The following PRKG1 variants were observed in gnomAD, a reference collection of about 807,000 sequenced individuals.
PRKG1 encodes the protein protein kinase cGMP-dependent 1, also known as cGMP-dependent protein kinase 1.
PRKG1 carries 35 observed loss-of-function variants against 88.1 expected under a neutral mutation model. The observed-to-expected ratio is 0.40, with a 90% CI of 0.30 to 0.53. The LOEUF is 0.53. PRKG1 is among the 20% of genes least tolerant of loss of function. PRKG1 has a pLI of 0.59. For synonymous variants in PRKG1, 303 were observed against 292.5 expected, an observed-to-expected ratio of 1.04 and a Z score of -0.37; for missense variants, 540 against 839.8, an observed-to-expected ratio of 0.64 and a Z score of 4.41.
chr10:51,897,162 A>G (rs987028385), intron 4 of PRKG1, among the ~76,000 whole-genome samples: 1 of 152,238 alleles, frequency 6.6e-6, no homozygotes, highest in African/African-American at 2.4e-5. Flanking sequence ...AATGTCTAAT[A>G]AGCTTGCTAA....
At chr10:52,268,116 A>C (rs1841623817) in intron 10 of PRKG1, among the ~76,000 whole-genome samples, 1 of 152,046 alleles carries the variant, frequency 6.6e-6, no homozygotes. Context: ...TTGGAAGTGG[A>C]GATTCTAAGG....
intron 2 of PRKG1, among the ~76,000 whole-genome samples, chr10:51,237,478 G>C (rs184076546): frequency 1.5e-4 from 23 of 152,202 alleles, no homozygotes; most frequent in Admixed American, 1.4e-3. Context: ...CCTTAATGTT[G>C]GAACAGATAG....
chr10:52,227,370 T>TA (rs1840413041), intron 9 of PRKG1, among the ~76,000 whole-genome samples: 1 of 152,116 alleles, frequency 6.6e-6, no homozygotes, highest in South Asian at 2.1e-4. Flanking sequence ...CAACCACAAA[T>TA]AAAAAATATT....
intron 2 of PRKG1, among the ~76,000 whole-genome samples, chr10:51,192,346 T>C (rs1245668098): frequency 6.6e-6 from 1 of 151,904 alleles, no homozygotes; most frequent in African/African-American, 2.4e-5. Flanking sequence ...TCATTTTTCT[T>C]ATCTGTAAAA....
At chr10:51,068,889 G>A (rs896804614) in intron 1 of PRKG1, among the ~76,000 whole-genome samples, 10 of 151,840 alleles carry the variant, frequency 6.6e-5, no homozygotes, top group East Asian at 1.9e-4. Flanking sequence ...TGTGAATAAA[G>A]CATTTTAAAT....
intron 2 of PRKG1, among the ~76,000 whole-genome samples, chr10:51,436,395 G>GT (rs1164998711): frequency 5.9e-5 from 9 of 151,768 alleles, no homozygotes; most frequent in Admixed American, 6.6e-5. Flanking sequence ...TGATGCTGCA[G>GT]TTTTTTCTCG....
At chr10:51,714,372 G>A (rs749012751) in intron 3 of PRKG1, among the ~76,000 whole-genome samples, 3 of 151,870 alleles carry the variant, frequency 2.0e-5, no homozygotes, top group African/African-American at 4.8e-5. Context: ...CAAACTCCAT[G>A]TAAACACCAT....
intron 3 of PRKG1, among the ~76,000 whole-genome samples, chr10:51,504,878 C>T (rs1331436266): frequency 7.2e-5 from 11 of 152,092 alleles, no homozygotes; most frequent in Admixed American, 4.6e-4. Context: ...TGGGCTGAGA[C>T]GATGGGGTTT....
At chr10:51,777,531 C>T (rs774327879) in intron 3 of PRKG1, among the ~76,000 whole-genome samples, 38 of 152,188 alleles carry the variant, frequency 2.5e-4, no homozygotes, top group Middle Eastern at 3.4e-3. Context: ...ATACTCCCTT[C>T]CCCCACACAT....
chr10:51,415,323 A>G (rs893212555), intron 2 of PRKG1, among the ~76,000 whole-genome samples: 2 of 152,230 alleles, frequency 1.3e-5, no homozygotes, highest in Non-Finnish European at 2.9e-5. Context: ...CATAAGTAAA[A>G]GGAGGCTTAT....
intron 9 of PRKG1, among the ~76,000 whole-genome samples, chr10:52,176,299 C>T (rs892202394): frequency 2.0e-5 from 3 of 149,162 alleles, no homozygotes; most frequent in African/African-American, 4.9e-5. Flanking sequence ...GTGGTCTTGG[C>T]ACCTTTGTGA....
At chr10:51,811,367 A>G (rs1296742868) in intron 4 of PRKG1, among the ~76,000 whole-genome samples, 2 of 152,112 alleles carry the variant, frequency 1.3e-5, no homozygotes, top group Non-Finnish European at 2.9e-5. Context: ...TCCTTCTTTG[A>G]TCCAATTTAA....
chr10:51,283,726 T>A (rs74717202), intron 2 of PRKG1, among the ~76,000 whole-genome samples: 149 of 152,052 alleles, frequency 9.8e-4, no homozygotes, highest in African/African-American at 3.5e-3. Flanking sequence ...AAAGAAAAAA[T>A]TATGCAAAGA....
intron 2 of PRKG1, among the ~76,000 whole-genome samples, chr10:51,213,262 A>G (rs560142714): frequency 4.3e-4 from 65 of 152,224 alleles, no homozygotes; most frequent in Admixed American, 1.4e-3. Context: ...TGGGAATTGA[A>G]CAATGAGAAC....
intron 5 of PRKG1, among the ~76,000 whole-genome samples, chr10:51,931,212 A>G (rs10508953): frequency 0.19 from 29,379 of 152,164 alleles, 3,234 homozygotes; most frequent in Non-Finnish European, 0.24. Flanking sequence ...GATTGAACCT[A>G]TTATTAGACC....
intron 7 of PRKG1, chr10:52,127,993 A>G: frequency 1.0e-6 from 1 of 961,206 alleles, no homozygotes; most frequent in South Asian, 4.8e-5. Context: ...TAATTAATTT[A>G]TTTCATTTTT....
chr10:52,066,251 T>C lies in PRKG1; in HGVS notation c.935+3620T>C, dbSNP rs140979472. Among the ~76,000 whole-genome samples, 491 of 152,308 alleles carry C rather than the reference T, an allele frequency of 3.2e-3. 2 individuals carry two copies. Among genetic ancestry groups the C allele is most frequent in the African/African-American group, 0.011 (439 of 41,562 alleles). On this transcript the variant is annotated intron_variant, in intron 7 of 17. Coordinates refer to ENST00000373980, the MANE Select transcript of PRKG1 (RefSeq NM_006258.4). ...CTCCACCCTTCGGGACCCTTTAAAT[T>C]ATTGGCACTCTTTAGAATTTATTTC... is the stretch of plus-strand genomic sequence containing the variant.
chr10:51,057,085 T>C (rs193102562), intron 1 of PRKG1, among the ~76,000 whole-genome samples: 14 of 152,362 alleles, frequency 9.2e-5, no homozygotes, highest in Middle Eastern at 6.8e-3. Context: ...ATCTAAGATA[T>C]AGTAAATCAA....
chr10:51,747,752 T>C (rs1837617267), intron 3 of PRKG1, among the ~76,000 whole-genome samples: 1 of 152,186 alleles, frequency 6.6e-6, no homozygotes, highest in Admixed American at 6.5e-5. Flanking sequence ...TTATAGACTT[T>C]TAGTACTTAG....
Sources: gnomAD v4.1 joint callset for allele counts (sites outside exome capture counted in the v4.1 genomes callset) on GRCh38, gnomAD v4.1.1 for gene constraint, MANE v1.5 for transcripts, NCBI Gene and HGNC (gene_info 2026-07-23, HGNC 2026-07-21) for gene names.